Variants in GMDS observed in about 807,000 individuals in gnomAD.
GMDS encodes the protein GDP-mannose 4,6 dehydratase.
Under a neutral mutation model 49.9 loss-of-function variants are expected in GMDS, and 20 were observed. The observed-to-expected ratio is 0.40, with a 90% CI of 0.28 to 0.58. The LOEUF is 0.58. GMDS is among the 20% of genes least tolerant of loss of function. GMDS has a pLI of 0.42. For missense variants in GMDS, 362 were observed against 481.4 expected (o/e 0.75, Z 2.32); for synonymous variants, 177 against 178.6 (o/e 0.99, Z 0.07).
intron 4 of GMDS, among the ~76,000 whole-genome samples, chr6:2,093,278 A>C (rs963988084): frequency 6.6e-6 from 1 of 152,260 alleles, no homozygotes; most frequent in Non-Finnish European, 1.5e-5. Flanking sequence ...ATTTAAAAGA[A>C]GCAGCGAAAA....
In GMDS at chr6:2,207,198, T is replaced by A. The variant is rs188771858; in HGVS notation, c.102+38123A>T. 3.2e-4 allele frequency among the ~76,000 whole-genome samples: 49 copies of A among 152,130 alleles called. 1 individual carries two copies. Among genetic ancestry groups the A allele is most frequent in the Admixed American group, 7.8e-4 (12 of 15,296 alleles). ...GTAGCCTCCTTCTATATCTGGCTTC[T>A]ACCCTCAAGTTTATGTCACCAATGA... On this transcript the variant is annotated intron_variant, in intron 1 of 10. Transcript: ENST00000380815.
intron 9 of GMDS, among the ~76,000 whole-genome samples, chr6:1,706,825 G>A (rs1399122242): frequency 3.3e-5 from 5 of 152,178 alleles, no homozygotes; most frequent in South Asian, 2.1e-4. Flanking sequence ...GAATGGACAC[G>A]GACTTTAATG....
intron 4 of GMDS, among the ~76,000 whole-genome samples, chr6:2,038,692 T>C (rs188771099): frequency 6.7e-6 from 1 of 149,586 alleles, no homozygotes; most frequent in East Asian, 2.0e-4. Context: ...CTTGGATCAG[T>C]GACTGCTGAG....
At chr6:1,854,562 T>C (rs1480997871) in intron 7 of GMDS, among the ~76,000 whole-genome samples, 1 of 152,212 alleles carries the variant, frequency 6.6e-6, no homozygotes, top group Non-Finnish European at 1.5e-5. Flanking sequence ...GCTGTCTGGG[T>C]GCTTCTAGCA....
In GMDS at chr6:1,766,820, C is replaced by T. The variant is rs986565822; in HGVS notation, c.772-24234G>A. 6.6e-6 allele frequency among the ~76,000 whole-genome samples: 1 copy of T among 152,216 alleles called. No homozygotes were observed. The highest frequency in any genetic ancestry group is 1.5e-5 in the Non-Finnish European group (1 of 68,042). On this transcript the variant is annotated intron_variant, in intron 7 of 10. Coordinates refer to ENST00000380815, the MANE Select transcript of GMDS (RefSeq NM_001500.4). This position sits in a 1 kb window ranked among gnomAD's most constrained non-coding sequence, Gnocchi z 4.5. ...CAAACTCTAAAATGTTAGCTGTGGG[C>T]TGAAACACTGACTGGACTAAACAAA...
intron 1 of GMDS, among the ~76,000 whole-genome samples, chr6:2,160,770 C>T (rs1777358609): frequency 6.6e-6 from 1 of 152,114 alleles, no homozygotes; most frequent in East Asian, 1.9e-4. Context: ...CTAAGCTATC[C>T]ACCCACCTCG....
intron 9 of GMDS, among the ~76,000 whole-genome samples, chr6:1,656,931 T>TA (rs1196115077): frequency 3.9e-5 from 6 of 152,124 alleles, no homozygotes; most frequent in Non-Finnish European, 8.8e-5. Context: ...TTACCTTCAC[T>TA]AGCCACAAGG....
At chr6:1,991,361 C>T (rs1470606319) in intron 4 of GMDS, among the ~76,000 whole-genome samples, 19 of 152,156 alleles carry the variant, frequency 1.2e-4, no homozygotes, top group Admixed American at 1.2e-3. Context: ...TCCTTTCCCG[C>T]ACCTGGCCTA....
At chr6:1,749,177 G>A (rs1767628068) in intron 7 of GMDS, among the ~76,000 whole-genome samples, 1 of 152,166 alleles carries the variant, frequency 6.6e-6, no homozygotes, top group African/African-American at 2.4e-5. Flanking sequence ...GTGGAAAGGA[G>A]CCCATGAATT....
chr6:1,730,511 C>T (rs188685926), intron 8 of GMDS, among the ~76,000 whole-genome samples: 19 of 152,288 alleles, frequency 1.2e-4, no homozygotes, highest in Middle Eastern at 6.8e-3. Flanking sequence ...GATTCCCTCC[C>T]CGACACTCAC....
At chr6:1,728,751 C>T (rs1307902395) in intron 8 of GMDS, among the ~76,000 whole-genome samples, 1 of 152,172 alleles carries the variant, frequency 6.6e-6, no homozygotes, top group Non-Finnish European at 1.5e-5. Flanking sequence ...GGTCTGTAAA[C>T]TGTTTCTGTG....
chr6:1,942,556 G>A (rs1762871766), intron 6 of GMDS, among the ~76,000 whole-genome samples: 1 of 152,184 alleles, frequency 6.6e-6, no homozygotes, highest in African/African-American at 2.4e-5. Flanking sequence ...CATTCCAGAT[G>A]GAGTTGAAAG....
chr6:2,024,067 AG>A (rs927924278), intron 4 of GMDS, among the ~76,000 whole-genome samples: 1 of 152,188 alleles, frequency 6.6e-6, no homozygotes, highest in African/African-American at 2.4e-5. Flanking sequence ...AATCAAAAAA[AG>A]AAAAAAAATT....
At chr6:1,951,011 G>A (rs1581409711) in intron 6 of GMDS, among the ~76,000 whole-genome samples, 2 of 152,050 alleles carry the variant, frequency 1.3e-5, no homozygotes, top group Admixed American at 1.3e-4. Flanking sequence ...GTTGGGACAA[G>A]AAAAATATCT....
At chr6:1,878,052 G>A (rs1347020383) in intron 7 of GMDS, among the ~76,000 whole-genome samples, 1 of 152,062 alleles carries the variant, frequency 6.6e-6, no homozygotes, top group Non-Finnish European at 1.5e-5. Context: ...GGTGGCTCAC[G>A]CCTGTCATCC....
intron 6 of GMDS, among the ~76,000 whole-genome samples, chr6:1,946,276 G>A (rs2628438): frequency 0.65 from 98,474 of 152,054 alleles, 31,982 homozygotes; most frequent in African/African-American, 0.7. Flanking sequence ...CAAAGGAGCC[G>A]CACAAGGTAA....
intron 7 of GMDS, among the ~76,000 whole-genome samples, chr6:1,818,646 A>C (rs1342133612): frequency 6.6e-6 from 1 of 151,788 alleles, no homozygotes; most frequent in African/African-American, 2.4e-5. Flanking sequence ...GGGGAGAAGA[A>C]AGGCTAACTA....
intron 9 of GMDS, among the ~76,000 whole-genome samples, chr6:1,646,190 A>G (rs550664914): frequency 5.3e-5 from 8 of 152,200 alleles, no homozygotes; most frequent in Non-Finnish European, 1.0e-4. Context: ...CACTTCCAGT[A>G]CCTCTGGCAC....
chr6:1,673,471 C>T (rs999588840), intron 9 of GMDS, among the ~76,000 whole-genome samples: 1 of 151,996 alleles, frequency 6.6e-6, no homozygotes, highest in African/African-American at 2.4e-5. Flanking sequence ...TTTCCTCCAC[C>T]CCACTCTTGC....
Sources: allele counts gnomAD v4.1 joint callset (sites outside exome capture counted in the v4.1 genomes callset), GRCh38; gene constraint gnomAD v4.1.1; non-coding constraint Gnocchi (gnomAD v3.1); transcripts MANE v1.5; gene names NCBI Gene and HGNC (gene_info 2026-07-23, HGNC 2026-07-21).